Variants in RNF130 observed in about 807,000 individuals in gnomAD.
The protein encoded by RNF130 is ring finger protein 130, also known as E3 ubiquitin-protein ligase RNF130.
In RNF130, 21 loss-of-function variants were observed where a neutral mutation model predicts 44.6. That is an observed-to-expected ratio of 0.47 (90% CI 0.33 to 0.68). The LOEUF is 0.68. Ranked by LOEUF, RNF130 falls within the 30% of genes least tolerant of loss-of-function variation. The pLI, the probability that RNF130 is intolerant of heterozygous loss-of-function variation, is 0.02. For missense variants in RNF130, 479 were observed against 560.6 expected (o/e 0.85, Z 1.47); for synonymous variants, 214 against 210.4 (o/e 1.02, Z -0.15).
rs78563146 is a variant in RNF130, at chr5:179,975,137, A to G, written c.848+3066T>C. Among the ~76,000 whole-genome samples, 1,165 of 152,320 alleles carry G rather than the reference A, an allele frequency of 7.6e-3. 14 individuals are homozygous for G. The highest frequency in any genetic ancestry group is 0.027 in the African/African-American group (1,109 of 41,578). ...ACAGAACCGCTTAGCAACATGAGGT[A>G]CAGAAAGCCACAGCAGGTAACACCG... On this transcript the variant is annotated intron_variant, in intron 5 of 8. Coordinates refer to ENST00000521389, the MANE Select transcript of RNF130 (RefSeq NM_018434.6).
intron 2 of RNF130, among the ~76,000 whole-genome samples, chr5:180,032,336 C>A (rs1764148798): frequency 6.6e-6 from 1 of 152,148 alleles, no homozygotes; most frequent in South Asian, 2.1e-4. Context: ...CAAGTGAAGT[C>A]ATTTTTATAT....
intron 5 of RNF130, 39 bp from the exon 6 acceptor site, chr5:179,970,545 CA>C: frequency 6.7e-7 from 1 of 1,489,896 alleles, no homozygotes; most frequent in Non-Finnish European, 9.2e-7. Context: ...AGTTACATAC[CA>C]AGAAACTTAT....
chr5:179,927,401 A>T (rs1375852047), intron 7 of RNF130, among the ~76,000 whole-genome samples: 2 of 152,142 alleles, frequency 1.3e-5, no homozygotes, highest in Admixed American at 6.6e-5. Context: ...TATGTGCACA[A>T]ATCATAAGTA....
chr5:180,071,564 CG>C lies in RNF130; in HGVS notation c.138del (p.Gly47AlafsTer84). On this transcript the variant is annotated frameshift_variant, in exon 1 of 9. Transcript: ENST00000521389. LOFTEE classifies it high-confidence loss of function. ...TALINVTVQEPGRGAPLTFRI... is the reference protein window; with the variant it reads ...TALINVTVQEXGRGAPLTFRI... Reference sequence around the variant, plus strand: ...CGAAACGTGAGCGGGGCGCCGCGGCCGGGCTCCTGCACCGTCACGTTGATGA... The same window carrying C: ...CGAAACGTGAGCGGGGCGCCGCGGCCGGCTCCTGCACCGTCACGTTGATGA... The C allele has an allele frequency of 6.9e-7, 1 of 1,441,794 alleles. No homozygotes were observed. Among genetic ancestry groups the C allele is most frequent in the Non-Finnish European group, 9.2e-7 (1 of 1,090,412 alleles). 89.3% of individuals were successfully genotyped at this position (1,441,794 alleles called of 1,614,324 possible).
intron 2 of RNF130, among the ~76,000 whole-genome samples, chr5:180,030,237 C>A (rs1203269453): frequency 6.6e-6 from 1 of 152,110 alleles, no homozygotes; most frequent in Non-Finnish European, 1.5e-5. Flanking sequence ...AAAAAGATCA[C>A]CTCATAAATA....
Position 179,970,427 on chromosome 5 carries a change from T to G in RNF130, c.928A>C (p.Lys310Gln). The G allele has an allele frequency of 6.2e-7, 1 of 1,612,354 alleles. No individual in the cohort carries two copies. The highest frequency in any genetic ancestry group is 8.5e-7 in the Non-Finnish European group (1 of 1,179,178). Residue 310 changes from lysine (K) to glutamine (Q), a missense_variant, in exon 6 of 9, where the codon AAG (lysine) becomes CAG (glutamine). Lys to Gln is a moderately conservative substitution (Grantham distance 53). Around this residue, in one of 3 missense-constraint regions of RNF130, gnomAD observed 161 missense variants for 158.6 expected, o/e 1.02. Transcript: ENST00000521389. Reference protein sequence around the residue: ...TCPMCKLNILKALGIVPNLPC... With the variant: ...TCPMCKLNILQALGIVPNLPC... ...AAACGTACCACAATTCCCAGGGCCT[T>G]CAATATATTAAGTTTGCACATAGGA...
downstream of RNF130, among the ~76,000 whole-genome samples, chr5:179,953,004 G>T (rs531126129): frequency 6.6e-6 from 1 of 152,126 alleles, no homozygotes; most frequent in African/African-American, 2.4e-5. Context: ...GAACAATTAA[G>T]CATGAGGATA....
chr5:179,939,198 C>T (rs1761939945), intron 7 of RNF130, among the ~76,000 whole-genome samples: 1 of 151,974 alleles, frequency 6.6e-6, no homozygotes, highest in Non-Finnish European at 1.5e-5. Context: ...GCCTGGGATA[C>T]AGAGCAAGAC....
chr5:179,986,637 A>T (rs1468579005), intron 3 of RNF130, among the ~76,000 whole-genome samples: 3 of 152,212 alleles, frequency 2.0e-5, no homozygotes, highest in Non-Finnish European at 4.4e-5. Flanking sequence ...TACAGTACGT[A>T]CTACTGTTAA....
At chr5:179,933,754 C>T (rs1310202561) in intron 7 of RNF130, 7 of 443,704 alleles carry the variant, frequency 1.6e-5, no homozygotes, top group South Asian at 2.2e-5. Flanking sequence ...AACTCTTAGG[C>T]GCAAGCGATT....
intron 2 of RNF130, among the ~76,000 whole-genome samples, chr5:180,034,519 C>T (rs981542223): frequency 1.4e-4 from 22 of 152,124 alleles, no homozygotes; most frequent in Non-Finnish European, 5.9e-5. Flanking sequence ...CAATTTCTTA[C>T]TTATTATAGC....
intron 7 of RNF130, 68 bp downstream of exon 7, chr5:179,966,738 T>C: frequency 7.0e-7 from 1 of 1,420,078 alleles, no homozygotes; most frequent in Non-Finnish European, 9.8e-7. Flanking sequence ...GCCTTGACTC[T>C]CCTGATGGTC....
At chr5:179,987,416 A>T (rs1762979839) in intron 3 of RNF130, among the ~76,000 whole-genome samples, 1 of 152,148 alleles carries the variant, frequency 6.6e-6, no homozygotes, top group Non-Finnish European at 1.5e-5. Flanking sequence ...TGATCCGCCT[A>T]CCTTGGTCTC....
At chr5:179,954,398 A>G (rs965686339), downstream of RNF130, among the ~76,000 whole-genome samples, 1 of 152,226 alleles carries the variant, frequency 6.6e-6, no homozygotes, top group Non-Finnish European at 1.5e-5. Context: ...TGTTAACCAC[A>G]CAAAGAAGTT....
intron 3 of RNF130, among the ~76,000 whole-genome samples, chr5:179,981,329 G>A (rs1762832348): frequency 6.6e-6 from 1 of 152,166 alleles, no homozygotes; most frequent in South Asian, 2.1e-4. Flanking sequence ...ACACATCCAG[G>A]CCTTACACTG....
At chr5:180,059,215 G>A (rs1764912870) in intron 1 of RNF130, among the ~76,000 whole-genome samples, 1 of 151,970 alleles carries the variant, frequency 6.6e-6, no homozygotes, top group South Asian at 2.1e-4. Context: ...CCTCCTTTCT[G>A]CCCCCTCTCA....
chr5:179,937,681 A>G lies in RNF130; in HGVS notation c.1151-17255T>C, dbSNP rs140727094. Among the ~76,000 whole-genome samples, 285 of 152,296 alleles carry G rather than the reference A, an allele frequency of 1.9e-3. 1 individual carries two copies. The highest frequency in any genetic ancestry group is 6.6e-3 in the African/African-American group (274 of 41,564). ...AAGTTAAACTAGAATTCTATGACCC[A>G]GCAATTCCACTGCTAGGTATATAAC... is the stretch of plus-strand genomic sequence containing the variant. On this transcript the variant is annotated intron_variant, in intron 7 of 7. Transcript: ENST00000522208.
At chr5:180,068,100 C>T (rs1242053965) in intron 1 of RNF130, among the ~76,000 whole-genome samples, 1 of 152,202 alleles carries the variant, frequency 6.6e-6, no homozygotes, top group African/African-American at 2.4e-5. Context: ...GTGGCCGATA[C>T]TAAACTCTTC....
intron 1 of RNF130, among the ~76,000 whole-genome samples, chr5:180,058,505 G>A (rs914931220): frequency 6.6e-6 from 1 of 152,162 alleles, no homozygotes; most frequent in Non-Finnish European, 1.5e-5. Context: ...AGTGGTGTTC[G>A]CAGGGGCTGC....
Sources: allele counts gnomAD v4.1 joint callset (sites outside exome capture counted in the v4.1 genomes callset), GRCh38; gene constraint gnomAD v4.1.1; regional missense constraint gnomAD v4.1.1; transcripts MANE v1.5; gene names NCBI Gene and HGNC (gene_info 2026-07-23, HGNC 2026-07-21).